The following TMEM222 variants were observed in gnomAD, a reference collection of about 807,000 sequenced individuals.
The protein encoded by TMEM222 is transmembrane protein 222, also known as chromosome 1 open reading frame 160.
TMEM222 carries 18 observed loss-of-function variants against 25.1 expected under a neutral mutation model. That is an observed-to-expected ratio of 0.72 (90% CI 0.50 to 1.06). The LOEUF (loss-of-function observed/expected upper bound fraction) is 1.06. Among genes scored for constraint, TMEM222 ranks in the 50% least tolerant of loss-of-function variants. The pLI is 0.00. For synonymous variants in TMEM222, 131 were observed against 117.9 expected, an observed-to-expected ratio of 1.11 and a Z score of -0.72; for missense variants, 296 against 293.7, an observed-to-expected ratio of 1.01 and a Z score of -0.06.
chr1:27,324,851 T>C (rs759397790), intron 1 of TMEM222, among the ~76,000 whole-genome samples: 6 of 151,870 alleles, frequency 4.0e-5, no homozygotes, highest in Non-Finnish European at 5.9e-5. Flanking sequence ...AACAACCAGA[T>C]CTTGGGAAAA....
rs531734846 is a variant in TMEM222, at chr1:27,332,219, G to C, written c.311+118G>C. ...CCTGAGAATAGAGTATTTGGGGTCG[G>C]GGGAGAGGTCAGCCAGGGTCCACCA... is the stretch of plus-strand genomic sequence containing the variant. On this transcript the variant is annotated intron_variant, in intron 3 of 5. Coordinates refer to ENST00000374076, the MANE Select transcript of TMEM222 (RefSeq NM_032125.3). The C allele has an allele frequency of 1.3e-4, 169 of 1,267,748 alleles. 2 individuals carry two copies. In the East Asian group the frequency reaches 3.9e-3, roughly 29 times the overall value. The allele number at this position is 1,267,748 out of a possible 1,614,324, so 78.5% of individuals were successfully genotyped here. A position where few individuals can be genotyped will look rare whatever the true frequency, so the allele number is the denominator to read the frequency against.
Position 27,322,218 on chromosome 1 carries a change from T to G in TMEM222, c.21T>G (p.Ser7Arg). 2 of 1,417,700 alleles carry G rather than the reference T, an allele frequency of 1.4e-6. No homozygotes were observed. Among genetic ancestry groups the G allele is most frequent in the Non-Finnish European group, 1.9e-6 (2 of 1,076,400 alleles). 87.8% of individuals were successfully genotyped at this position (1,417,700 alleles called of 1,614,324 possible). The part of the protein sequence containing the change: MAEAEG[S>R]SLLLLPPPPP... ...GCCGCATGGCGGAAGCGGAAGGGAG[T>G]TCTCTGCTCTTGTTGCCGCCGCCGC... is the stretch of plus-strand genomic sequence containing the variant. Residue 7 changes from serine (S) to arginine (R), a missense_variant, in exon 1 of 6, where the codon AGT becomes AGG. Physicochemically the swap from Ser to Arg is moderately radical, Grantham distance 110. Transcript: ENST00000374076.
Position 27,334,176 on chromosome 1 carries a change from ACTCG to A in TMEM222, c.436_439del (p.Ser146ThrfsTer6). 1 of 1,614,058 alleles carries A rather than the reference ACTCG, an allele frequency of 6.2e-7. No homozygotes were observed. The highest frequency in any genetic ancestry group is 8.5e-7 in the Non-Finnish European group (1 of 1,180,010). Reference sequence around the variant, plus strand: ...CACAATCTCTGCTGTGACAACTGCCACTCGCACGTGGCATTGGCCCTGAATCTGA... The same window carrying A: ...CACAATCTCTGCTGTGACAACTGCCACACGTGGCATTGGCCCTGAATCTGA... On this transcript the variant is annotated frameshift_variant, in exon 5 of 6. Coordinates refer to ENST00000374076, the MANE Select transcript of TMEM222 (RefSeq NM_032125.3). LOFTEE classifies it high-confidence loss of function.
At chr1:27,334,971 C>T (rs2014569514) in intron 5 of TMEM222, 2 of 340,386 alleles carry the variant, frequency 5.9e-6, no homozygotes, top group South Asian at 8.6e-5. Flanking sequence ...AGCCCCAGAG[C>T]TCCCAGTAGT....
intron 1 of TMEM222, among the ~76,000 whole-genome samples, chr1:27,327,289 G>C (rs1172733364): frequency 6.6e-6 from 1 of 152,202 alleles, no homozygotes; most frequent in East Asian, 1.9e-4. Context: ...TCCACAGAGA[G>C]ATGGGAATTA....
At chr1:27,325,243 C>T (rs2014311048) in intron 1 of TMEM222, 1 of 457,446 alleles carries the variant, frequency 2.2e-6, no homozygotes. Context: ...AGCACATATA[C>T]TAAAATTGGA....
At chr1:27,325,224 C>T (rs908206886) in intron 1 of TMEM222, 30 of 422,812 alleles carry the variant, frequency 7.1e-5, no homozygotes, top group East Asian at 1.1e-4. Context: ...GTTTAGTGCT[C>T]GCCTCAGCAG....
chr1:27,329,403 C>T (rs943663739), intron 1 of TMEM222, among the ~76,000 whole-genome samples: 13 of 152,082 alleles, frequency 8.5e-5, no homozygotes, highest in African/African-American at 2.9e-4. Context: ...CAGATTCCAC[C>T]CCGCTGTGGA....
chr1:27,334,155 A>T lies in TMEM222; in HGVS notation c.413A>T (p.Asn138Ile). 1 of 1,614,134 alleles carries T rather than the reference A, an allele frequency of 6.2e-7. No homozygotes were observed. Among genetic ancestry groups the T allele is most frequent in the Non-Finnish European group, 8.5e-7 (1 of 1,180,012 alleles). The change falls in exon 5 of 6, where the codon AAT becomes ATT. Residue 138 changes from asparagine (N) to isoleucine (I), a missense_variant. By Grantham distance (149) the Asn-to-Ile change is moderately radical. Transcript: ENST00000374076. ...CAGCCCTTCTGGTGCCTCCAGCACA[A>T]TCTCTGCTGTGACAACTGCCACTCG... ...ASEEYKHRMHNLCCDNCHSHV... is the reference protein window; with the variant it reads ...ASEEYKHRMHILCCDNCHSHV...
At chr1:27,335,254 A>G in intron 5 of TMEM222, 125 bp from the exon 6 acceptor site, 2 of 883,232 alleles carry the variant, frequency 2.3e-6, no homozygotes, top group Non-Finnish European at 3.7e-6. Flanking sequence ...GTTTGGGGTG[A>G]GGGGGTGGTT....
chr1:27,322,384 G>T lies in TMEM222; in HGVS notation c.187G>T (p.Val63Leu), dbSNP rs923429226. Reference sequence around the variant, plus strand: ...CTGCGTGGTGTGGACGCCCATCCCGGTGCTCACGTGAGTCTCTTCCGGCAT... The same window carrying T: ...CTGCGTGGTGTGGACGCCCATCCCGTTGCTCACGTGAGTCTCTTCCGGCAT... ...PYCVVWTPIP[V>L]LTWFFPIIGH... The change falls in exon 1 of 6, where the codon GTG becomes TTG. Residue 63 changes from valine (V) to leucine (L), a missense_variant. By Grantham distance (32) the Val-to-Leu change is conservative. Coordinates refer to ENST00000374076, the MANE Select transcript of TMEM222 (RefSeq NM_032125.3). 3.5e-6 allele frequency: 5 copies of T among 1,440,986 alleles called. No individual in the cohort carries two copies. The highest frequency in any genetic ancestry group is 3.7e-6 in the Non-Finnish European group (4 of 1,084,334). 89.3% of individuals were successfully genotyped at this position (1,440,986 alleles called of 1,614,324 possible).
intron 1 of TMEM222, chr1:27,325,359 A>G (rs2014315067): frequency 3.4e-6 from 3 of 874,498 alleles, no homozygotes; most frequent in East Asian, 5.0e-5. Context: ...GATGGCCACT[A>G]CCACATCCTC....
intron 1 of TMEM222, among the ~76,000 whole-genome samples, chr1:27,328,130 G>A (rs1033186545): frequency 5.9e-5 from 9 of 152,162 alleles, no homozygotes; most frequent in East Asian, 1.9e-4. Context: ...TCTGGGATTG[G>A]GTGGCTGTGC....
intron 1 of TMEM222, among the ~76,000 whole-genome samples, chr1:27,324,620 G>C (rs995149997): frequency 6.6e-6 from 1 of 152,202 alleles, no homozygotes. Context: ...TTCTGTGTTA[G>C]TCCATTCTTG....
chr1:27,333,284 A>C (rs2014524287), intron 3 of TMEM222: 1 of 469,754 alleles, frequency 2.1e-6, no homozygotes, highest in Non-Finnish European at 4.4e-6. Context: ...CACTTAGCTT[A>C]AGCTGTTCCC....
At chr1:27,326,665 T>G (rs2014358049) in intron 1 of TMEM222, among the ~76,000 whole-genome samples, 1 of 152,212 alleles carries the variant, frequency 6.6e-6, no homozygotes, top group African/African-American at 2.4e-5. Flanking sequence ...GTAGATACTG[T>G]TGTCACCATT....
chr1:27,331,017 T>G (rs1367289523), intron 2 of TMEM222: 1 of 1,457,058 alleles, frequency 6.9e-7, no homozygotes, highest in Non-Finnish European at 9.1e-7. Flanking sequence ...GCCAGAAGGA[T>G]TCTTAAGTAA....
At chr1:27,330,375 C>T (rs1481145581) in intron 1 of TMEM222, among the ~76,000 whole-genome samples, 13 of 151,056 alleles carry the variant, frequency 8.6e-5, no homozygotes, top group African/African-American at 2.9e-4. Context: ...CCAGCCTGGG[C>T]GACAGAGCGA....
At position 27,322,458 on chromosome 1, in the gene TMEM222, T is replaced by C. The variant is rs903668793; in HGVS notation, c.194+67T>C. On this transcript the variant is annotated intron_variant, in intron 1 of 5. Coordinates refer to ENST00000374076, the MANE Select transcript of TMEM222 (RefSeq NM_032125.3). ...AGGGAGAGCCGGAGTCGGGCCGGGC[T>C]AGCCTCCGGCCCCAACGCGCAGCAA... 4.6e-6 allele frequency: 6 copies of C among 1,301,150 alleles called. No homozygotes were observed. In the African/African-American group the frequency reaches 6.2e-5, roughly 13 times the overall value. 80.6% of individuals were successfully genotyped at this position (1,301,150 alleles called of 1,614,324 possible). A position where few individuals can be genotyped will look rare whatever the true frequency, so the allele number is the denominator to read the frequency against.
Sources: gnomAD v4.1 joint callset for allele counts (sites outside exome capture counted in the v4.1 genomes callset) on GRCh38, gnomAD v4.1.1 for gene constraint, MANE v1.5 for transcripts, NCBI Gene and HGNC (gene_info 2026-07-23, HGNC 2026-07-21) for gene names.